LUZP2: variants seen among roughly 807,000 people sequenced by gnomAD.
LUZP2 encodes leucine zipper protein 2.
LUZP2 carries 52 observed loss-of-function variants against 51.6 expected under a neutral mutation model. The observed-to-expected ratio is 1.01, with a 90% CI of 0.81 to 1.27. The LOEUF is 1.27. LUZP2 is among the 50% of genes most tolerant of loss of function. LUZP2 has a pLI of 0.00. For missense variants in LUZP2, 436 were observed against 395.4 expected, an observed-to-expected ratio of 1.10 and a Z score of -0.87; for synonymous variants, 154 against 137.3, an observed-to-expected ratio of 1.12 and a Z score of -0.85.
chr11:24,765,650 C>T (rs1285384996), intron 5 of LUZP2, among the ~76,000 whole-genome samples: 5 of 133,998 alleles, frequency 3.7e-5, no homozygotes, highest in Admixed American at 8.1e-5. Context: ...TTTTTTGAGA[C>T]GGAGTCTCAC....
intron 9 of LUZP2, among the ~76,000 whole-genome samples, chr11:25,030,667 C>T (rs942260836): frequency 1.3e-5 from 2 of 151,216 alleles, no homozygotes; most frequent in African/African-American, 4.8e-5. Flanking sequence ...TTCTTAATTA[C>T]ATAAGAGATA....
At chr11:24,618,815 A>G (rs1854387202) in intron 1 of LUZP2, among the ~76,000 whole-genome samples, 1 of 152,062 alleles carries the variant, frequency 6.6e-6, no homozygotes, top group South Asian at 2.1e-4. Context: ...CTCTATGCCA[A>G]TGTTTTGGAA....
At chr11:24,847,979 A>C (rs886310637) in intron 5 of LUZP2, among the ~76,000 whole-genome samples, 2 of 152,016 alleles carry the variant, frequency 1.3e-5, no homozygotes, top group Non-Finnish European at 2.9e-5. Context: ...TACTCCCTTA[A>C]TTTCTGGTAC....
chr11:24,845,035 A>G (rs564386495), intron 5 of LUZP2, among the ~76,000 whole-genome samples: 34 of 152,188 alleles, frequency 2.2e-4, no homozygotes, highest in Non-Finnish European at 4.3e-4. Context: ...CACCTAGTGG[A>G]GCTGTGAGAG....
chr11:25,023,921 A>C (rs1202418966), intron 9 of LUZP2, among the ~76,000 whole-genome samples: 1 of 152,144 alleles, frequency 6.6e-6, no homozygotes, highest in Non-Finnish European at 1.5e-5. Flanking sequence ...CAGGTTGTTC[A>C]GTTTCCATGT....
chr11:24,866,158 ATATT>A (rs1350749791), intron 5 of LUZP2, among the ~76,000 whole-genome samples: 1 of 85,474 alleles, frequency 1.2e-5, no homozygotes, highest in Non-Finnish European at 2.3e-5. Flanking sequence ...ACACACGTAT[ATATT>A]TAATTTCTTT....
intron 7 of LUZP2, among the ~76,000 whole-genome samples, chr11:24,969,044 T>C (rs1421667441): frequency 1.3e-5 from 2 of 152,184 alleles, no homozygotes; most frequent in Non-Finnish European, 2.9e-5. Context: ...CATGTGAAGG[T>C]ATGTTGCATA....
chr11:24,506,759 C>G (rs1192183951), intron 1 of LUZP2, among the ~76,000 whole-genome samples: 1 of 151,930 alleles, frequency 6.6e-6, no homozygotes, highest in African/African-American at 2.4e-5. Flanking sequence ...CACTAGGGAC[C>G]CCTAAGTTTT....
intron 4 of LUZP2, among the ~76,000 whole-genome samples, chr11:24,761,934 C>T (rs981916511): frequency 2.0e-5 from 3 of 150,186 alleles, no homozygotes; most frequent in Non-Finnish European, 3.0e-5. Context: ...ATAGTGGTTA[C>T]CTGGGGGGGT....
intron 5 of LUZP2, among the ~76,000 whole-genome samples, chr11:24,784,146 C>T (rs1299920417): frequency 6.6e-6 from 1 of 151,860 alleles, no homozygotes; most frequent in African/African-American, 2.4e-5. Context: ...TAAACAGATA[C>T]AGAACTTCCT....
intron 7 of LUZP2, among the ~76,000 whole-genome samples, chr11:24,925,939 A>C (rs993133142): frequency 6.6e-6 from 1 of 151,822 alleles, no homozygotes; most frequent in Non-Finnish European, 1.5e-5. Context: ...TATTATTCTT[A>C]TGCATTTGCA....
chr11:25,019,465 A>G (rs12276462), intron 9 of LUZP2, among the ~76,000 whole-genome samples: 15,941 of 152,166 alleles, frequency 0.1, 2,084 homozygotes, highest in African/African-American at 0.31. Flanking sequence ...GATACATACC[A>G]TAAACAATTT....
At chr11:24,826,970 A>T (rs907088658) in intron 5 of LUZP2, among the ~76,000 whole-genome samples, 2 of 152,128 alleles carry the variant, frequency 1.3e-5, no homozygotes, top group African/African-American at 4.8e-5. Context: ...GACATAAAAA[A>T]CCTATCAACA....
At chr11:25,074,020 A>T (rs191875301) in intron 10 of LUZP2, among the ~76,000 whole-genome samples, 14 of 152,344 alleles carry the variant, frequency 9.2e-5, no homozygotes, top group African/African-American at 3.1e-4. Flanking sequence ...GAGCTAAAAC[A>T]TAAAGCAAAG....
intron 5 of LUZP2, among the ~76,000 whole-genome samples, chr11:24,889,140 A>T (rs1852767336): frequency 1.3e-5 from 2 of 152,090 alleles, no homozygotes; most frequent in Admixed American, 1.3e-4. Context: ...TTTCTCACTC[A>T]CCCTGGTAAA....
In LUZP2 at chr11:25,041,498, GAAAT is replaced by G. The variant is rs1282248738; in HGVS notation, c.766-8536_766-8533del. 2.6e-5 allele frequency among the ~76,000 whole-genome samples: 4 copies of G among 152,160 alleles called. No homozygotes were observed. The East Asian group carries it at 7.7e-4, about 29-fold the overall frequency. ...GATTATTGTTACTTCATCTTGGTCA[GAAAT>G]AAAATCCATCTCATTCTGTTTTAAG... On this transcript the variant is annotated intron_variant, in intron 9 of 11. Coordinates refer to ENST00000336930, the MANE Select transcript of LUZP2 (RefSeq NM_001009909.4).
At chr11:24,847,133 C>T (rs1281978041) in intron 5 of LUZP2, among the ~76,000 whole-genome samples, 1 of 151,824 alleles carries the variant, frequency 6.6e-6, no homozygotes, top group African/African-American at 2.4e-5. Context: ...CTAAATATTC[C>T]TGTGAATTTC....
chr11:24,823,367 G>C (rs1266572273), intron 5 of LUZP2, among the ~76,000 whole-genome samples: 1 of 133,412 alleles, frequency 7.5e-6, no homozygotes, highest in Non-Finnish European at 1.6e-5. Flanking sequence ...GACAAAAAGG[G>C]AATAGGAAAC....
At chr11:24,992,527 GCTCACTAACATATAC>G (rs1160059788) in intron 9 of LUZP2, among the ~76,000 whole-genome samples, 2 of 151,972 alleles carry the variant, frequency 1.3e-5, no homozygotes, top group East Asian at 1.9e-4. Flanking sequence ...AGTTTCTTTT[GCTCACTAACATATAC>G]CAAACTTTCA....
Sources: allele counts gnomAD v4.1 joint callset (sites outside exome capture counted in the v4.1 genomes callset), GRCh38; gene constraint gnomAD v4.1.1; transcripts MANE v1.5; gene names NCBI Gene and HGNC (gene_info 2026-07-23, HGNC 2026-07-21).